The following BICDL1 variants were observed in gnomAD, a reference collection of about 807,000 sequenced individuals.
BICDL1 encodes BICD family-like cargo adapter 1.
BICDL1 carries 20 observed loss-of-function variants against 76.8 expected under a neutral mutation model. The ratio of observed to expected loss-of-function variants is 0.26; its 90% CI spans 0.18 to 0.38. BICDL1 has a LOEUF of 0.38. BICDL1 is among the 10% of genes least tolerant of loss of function. BICDL1 has a pLI of 1.00. For synonymous variants in BICDL1, 383 were observed against 337.1 expected, an observed-to-expected ratio of 1.14 and a Z score of -1.49; for missense variants, 700 against 798.6, an observed-to-expected ratio of 0.88 and a Z score of 1.49.
chr12:120,055,551 A>C lies in BICDL1; in HGVS notation c.646-6159A>C, dbSNP rs572522725. On this transcript the variant is annotated intron_variant, in intron 2 of 9. Coordinates refer to ENST00000548673, the MANE Select transcript of BICDL1 (RefSeq NM_001367886.1). ...AGGATTCATTAAATAATAGTAACCC[A>C]AGCAAATTATAAAAAGAGTTTATTT... 1.4e-4 allele frequency among the ~76,000 whole-genome samples: 21 copies of C among 152,338 alleles called. No homozygotes were observed. In the South Asian group the frequency reaches 3.7e-3, roughly 27 times the overall value.
Position 120,082,013 on chromosome 12 carries a change from C to T in BICDL1, c.1583+996C>T, listed in dbSNP as rs546435860. Among the ~76,000 whole-genome samples, 33 of 151,648 alleles carry T rather than the reference C, an allele frequency of 2.2e-4. No individual in the cohort carries two copies. The South Asian group carries it at 4.2e-3, about 19-fold the overall frequency. On this transcript the variant is annotated intron_variant, in intron 8 of 9. Coordinates refer to ENST00000548673, the MANE Select transcript of BICDL1 (RefSeq NM_001367886.1). ...CAGAATCCAGTTGATGTTAGAATTT[C>T]CCCAATTGGCCCATAAATATCTTTT...
chr12:120,043,022 A>C (rs572847715), intron 2 of BICDL1, among the ~76,000 whole-genome samples: 11 of 152,234 alleles, frequency 7.2e-5, no homozygotes, highest in Admixed American at 6.5e-4. Flanking sequence ...TCAGACCTGC[A>C]TTTGAATCCT....
At chr12:120,086,892 G>C (rs904994866) in intron 8 of BICDL1, among the ~76,000 whole-genome samples, 1 of 152,236 alleles carries the variant, frequency 6.6e-6, no homozygotes, top group African/African-American at 2.4e-5. Context: ...ACGGTGCAGC[G>C]CGTGGCCAGG....
intron 2 of BICDL1, among the ~76,000 whole-genome samples, chr12:120,039,168 G>A (rs545054202): frequency 1.1e-3 from 167 of 151,050 alleles, no homozygotes; most frequent in African/African-American, 3.7e-3. Context: ...ATGGTGGCGG[G>A]TGTCTATAGT....
At chr12:120,003,777 G>A (rs2075239334) in intron 2 of BICDL1, among the ~76,000 whole-genome samples, 1 of 152,210 alleles carries the variant, frequency 6.6e-6, no homozygotes, top group Admixed American at 6.5e-5. Context: ...TGGTCTGCAG[G>A]TTGGTCAGTT....
intron 2 of BICDL1, among the ~76,000 whole-genome samples, chr12:120,050,670 CT>C (rs1952839669): frequency 2.0e-5 from 3 of 152,004 alleles, no homozygotes; most frequent in Admixed American, 2.0e-4. Flanking sequence ...GAGACAGAGT[CT>C]TACTCTGTTG....
Position 119,990,305 on chromosome 12 carries a change from C to G in BICDL1, c.429+8C>G. ...CTGACAGACAAGCTCGAGGTGAGGA[C>G]CTCCCTCCAGGGATGGGTGGGGAGC... On this transcript the variant is annotated splice_region_variant and intron_variant, in intron 1 of 9. Transcript: ENST00000548673. The G allele has an allele frequency of 6.4e-7, 1 of 1,556,060 alleles. No individual in the cohort carries two copies. The highest frequency in any genetic ancestry group is 1.2e-5 in the South Asian group (1 of 84,098).
intron 2 of BICDL1, among the ~76,000 whole-genome samples, chr12:120,035,795 C>T (rs1428241407): frequency 6.6e-6 from 1 of 152,220 alleles, no homozygotes; most frequent in African/African-American, 2.4e-5. Flanking sequence ...TTATTTCCCT[C>T]CATAAGCACG....
chr12:120,049,352 G>A (rs986376248), intron 2 of BICDL1, among the ~76,000 whole-genome samples: 1 of 152,198 alleles, frequency 6.6e-6, no homozygotes, highest in South Asian at 2.1e-4. Context: ...GTGCCTGTTT[G>A]TAATAGGGAA....
intron 2 of BICDL1, among the ~76,000 whole-genome samples, chr12:120,043,569 C>G (rs1952686605): frequency 6.6e-6 from 1 of 152,200 alleles, no homozygotes; most frequent in African/African-American, 2.4e-5. Context: ...ACATCAAAGG[C>G]TAAGTAAATC....
At position 119,990,093 on chromosome 12, in the gene BICDL1, C is replaced by T. The variant is rs1951483638; in HGVS notation, c.225C>T (p.His75=). 1.3e-6 allele frequency: 2 copies of T among 1,548,546 alleles called. No individual in the cohort carries two copies. Among genetic ancestry groups the T allele is most frequent in the South Asian group, 1.2e-5 (1 of 83,992 alleles). ...AGCGGCCGTCCGACCCCGGGGAACA[C>T]CCTCAGGCCGAGCCTGGGTCTCTGG... ...AGERPSDPGE[H]PQAEPGSLAE... Residue 75 remains histidine (H), a synonymous_variant, in exon 1 of 10, where the codon CAC becomes CAT. Coordinates refer to ENST00000548673, the MANE Select transcript of BICDL1 (RefSeq NM_001367886.1).
chr12:120,031,662 A>G (rs1266481188), intron 2 of BICDL1, among the ~76,000 whole-genome samples: 1 of 152,158 alleles, frequency 6.6e-6, no homozygotes, highest in Non-Finnish European at 1.5e-5. Flanking sequence ...TACTTATCAA[A>G]TGTGTGTTGA....
chr12:120,089,343 C>CGT (rs766699479), intron 8 of BICDL1, among the ~76,000 whole-genome samples: 5 of 145,264 alleles, frequency 3.4e-5, no homozygotes, highest in Admixed American at 1.4e-4. Flanking sequence ...GTGTGTGTGG[C>CGT]GTGTGTGTGT....
chr12:120,009,730 A>G (rs1029493391), intron 2 of BICDL1, among the ~76,000 whole-genome samples: 2 of 151,904 alleles, frequency 1.3e-5, no homozygotes, highest in African/African-American at 2.4e-5. Context: ...CATACTATAT[A>G]CTCTTTTGTT....
chr12:119,990,309 C>T lies in BICDL1; in HGVS notation c.429+12C>T, dbSNP rs1383494984. ...CAGACAAGCTCGAGGTGAGGACCTC[C>T]CTCCAGGGATGGGTGGGGAGCAGGG... On this transcript the variant is annotated intron_variant, in intron 1 of 9. Coordinates refer to ENST00000548673, the MANE Select transcript of BICDL1 (RefSeq NM_001367886.1). 1.3e-6 allele frequency: 2 copies of T among 1,554,136 alleles called. No homozygotes were observed. The highest frequency in any genetic ancestry group is 1.2e-5 in the South Asian group (1 of 83,952).
rs150682697 is a variant in BICDL1 at position 120,063,732 on chromosome 12, A to C, written c.763-1001A>C. On this transcript the variant is annotated intron_variant, in intron 3 of 9. Coordinates refer to ENST00000548673, the MANE Select transcript of BICDL1 (RefSeq NM_001367886.1). Reference sequence around the variant, plus strand: ...TCAGTCCAGCAGGGCACTGCTAAATAAATGGGAGGATCCACGAGGACCTCC... The same window carrying C: ...TCAGTCCAGCAGGGCACTGCTAAATCAATGGGAGGATCCACGAGGACCTCC... Among the ~76,000 whole-genome samples the C allele has an allele frequency of 3.3e-3, 502 of 152,326 alleles. 17 individuals are homozygous for C. The highest frequency in any genetic ancestry group is 7.5e-3 in the South Asian group (36 of 4,826).
At chr12:119,999,023 T>G (rs1951707507) in intron 2 of BICDL1, among the ~76,000 whole-genome samples, 1 of 127,684 alleles carries the variant, frequency 7.8e-6, no homozygotes, top group Non-Finnish European at 1.5e-5. Context: ...GTCATGCCAC[T>G]ACACTCCAGC....
intron 2 of BICDL1, among the ~76,000 whole-genome samples, chr12:120,014,354 T>A (rs571472375): frequency 2.6e-5 from 4 of 152,204 alleles, no homozygotes; most frequent in South Asian, 2.1e-4. Context: ...TTGAGGCATC[T>A]TTCAAAAGTA....
chr12:120,088,669 G>GT (rs922915431), intron 8 of BICDL1, among the ~76,000 whole-genome samples: 4 of 138,488 alleles, frequency 2.9e-5, no homozygotes, highest in Non-Finnish European at 6.2e-5. Context: ...ACTTTATGGG[G>GT]TTTTTTTGTT....
Sources: gnomAD v4.1 joint callset for allele counts (sites outside exome capture counted in the v4.1 genomes callset) on GRCh38, gnomAD v4.1.1 for gene constraint, MANE v1.5 for transcripts, NCBI Gene and HGNC (gene_info 2026-07-23, HGNC 2026-07-21) for gene names.